The following FGF12 variants were observed in gnomAD, a reference collection of about 807,000 sequenced individuals.
The protein encoded by FGF12 is fibroblast growth factor 12.
Under a neutral mutation model 23.6 loss-of-function variants are expected in FGF12, and 14 were observed. The observed-to-expected ratio is 0.59, with a 90% CI of 0.39 to 0.93. The LOEUF is 0.93. Among genes scored for constraint, FGF12 ranks in the 40% least tolerant of loss-of-function variants. FGF12 has a pLI of 0.00. For missense variants in FGF12, 175 were observed against 217.8 expected, an observed-to-expected ratio of 0.80 and a Z score of 1.24; for synonymous variants, 62 against 77.3, an observed-to-expected ratio of 0.80 and a Z score of 1.04.
At chr3:192,431,659 A>T (rs768530020) in intron 2 of FGF12, among the ~76,000 whole-genome samples, 1 of 152,214 alleles carries the variant, frequency 6.6e-6, no homozygotes, top group African/African-American at 2.4e-5. Context: ...CAACTCAAGT[A>T]CCAAGCGTTT....
At chr3:192,349,284 G>A (rs1170178402) in intron 3 of FGF12, among the ~76,000 whole-genome samples, 1 of 152,002 alleles carries the variant, frequency 6.6e-6, no homozygotes, top group South Asian at 2.1e-4. Flanking sequence ...TCTACTTACT[G>A]TACTTAGAGC....
At chr3:192,485,970 TATACGTGCATATATA>T (rs1723622160) in intron 2 of FGF12, among the ~76,000 whole-genome samples, 1 of 152,296 alleles carries the variant, frequency 6.6e-6, no homozygotes, top group African/African-American at 2.4e-5. Flanking sequence ...TTTTATGCCA[TATACGTGCATATATA>T]ATACGTAGTA....
In FGF12 at chr3:192,539,804, A is replaced by C. The variant is rs114454420; in HGVS notation, c.14-179266T>G. Among the ~76,000 whole-genome samples the C allele has an allele frequency of 4.9e-3, 739 of 151,996 alleles. 1 individual carries two copies. Among genetic ancestry groups the C allele is most frequent in the Non-Finnish European group, 8.1e-3 (549 of 67,884 alleles). On this transcript the variant is annotated intron_variant, in intron 2 of 5. Coordinates refer to ENST00000445105, the MANE Select transcript of FGF12 (RefSeq NM_004113.6). ...CAGGCTTTTCGTTGCTGGGTGACTT[A>C]CTACTGCTTTGATCTGCTTATTTGT...
intron 2 of FGF12, among the ~76,000 whole-genome samples, chr3:192,410,141 G>A (rs577859389): frequency 6.6e-6 from 1 of 152,086 alleles, no homozygotes; most frequent in Admixed American, 6.5e-5. Flanking sequence ...ACGGAAGAGC[G>A]AAAGAGCGCC....
intron 4 of FGF12, among the ~76,000 whole-genome samples, chr3:192,200,610 A>C (rs115064205): frequency 6.6e-6 from 1 of 152,202 alleles, no homozygotes; most frequent in Admixed American, 6.5e-5. Context: ...TCAAAGCCTC[A>C]CAAGTGTAGA....
chr3:192,350,929 G>C lies in FGF12; in HGVS notation c.124+9499C>G, dbSNP rs185055910. 3.7e-3 allele frequency among the ~76,000 whole-genome samples: 567 copies of C among 152,256 alleles called. 3 individuals carry two copies. The highest frequency in any genetic ancestry group is 0.017 in the Middle Eastern group (5 of 294). On this transcript the variant is annotated intron_variant, in intron 3 of 5. Coordinates refer to ENST00000445105, the MANE Select transcript of FGF12 (RefSeq NM_004113.6). The stretch of plus-strand genomic sequence containing the variant: ...AAGCTTTAAGTAAAGAGACCAGTTA[G>C]AGAGTTATTGCAAGAGTCCATACAA...
rs147296573 is a variant in FGF12, at chr3:192,463,441, G to A, written c.14-102903C>T. ...TCTCAAAAAAAAAGTTGTTGTTGTC[G>A]TTGTTCAAAGGAATTATCAAAATAT... On this transcript the variant is annotated intron_variant, in intron 2 of 5. Coordinates refer to ENST00000445105, the MANE Select transcript of FGF12 (RefSeq NM_004113.6). 1.1e-4 allele frequency among the ~76,000 whole-genome samples: 17 copies of A among 152,020 alleles called. No homozygotes were observed. In the South Asian group the frequency reaches 2.5e-3, roughly 22 times the overall value.
intron 2 of FGF12, among the ~76,000 whole-genome samples, chr3:192,719,600 A>G (rs1718970573): frequency 6.6e-6 from 1 of 152,160 alleles, no homozygotes; most frequent in Non-Finnish European, 1.5e-5. Context: ...AATTTTAAAT[A>G]GTGCTAGAAA....
chr3:192,674,176 C>A lies in FGF12; in HGVS notation c.13+53005G>T, dbSNP rs538511628. Among the ~76,000 whole-genome samples, 31 of 138,864 alleles carry A rather than the reference C, an allele frequency of 2.2e-4. 2 individuals carry two copies. Among genetic ancestry groups the A allele is most frequent in the African/African-American group, 7.7e-4 (31 of 40,522 alleles). 91.1% of individuals were successfully genotyped at this position (138,864 alleles called of 152,430 possible). A position where few individuals can be genotyped will look rare whatever the true frequency, so the allele number is the denominator to read the frequency against. ...CATGGGGTAGTTATTAACCTTGTGA[C>A]AAATTATTATGTACCATAGACTTGG... is the stretch of plus-strand genomic sequence containing the variant. On this transcript the variant is annotated intron_variant, in intron 2 of 5. Transcript: ENST00000445105.
intron 2 of FGF12, among the ~76,000 whole-genome samples, chr3:192,544,681 C>T (rs1725453267): frequency 6.6e-6 from 1 of 152,068 alleles, no homozygotes; most frequent in Non-Finnish European, 1.5e-5. Flanking sequence ...GAAGTAGGGT[C>T]TGGATTTCAC....
chr3:192,317,330 C>T (rs537619779), intron 4 of FGF12, among the ~76,000 whole-genome samples: 20 of 151,212 alleles, frequency 1.3e-4, no homozygotes, highest in African/African-American at 4.6e-4. Context: ...CTGGACCAGT[C>T]CTGGGGCAGA....
intron 2 of FGF12, among the ~76,000 whole-genome samples, chr3:192,646,644 T>A (rs576065371): frequency 9.2e-5 from 14 of 152,234 alleles, no homozygotes; most frequent in African/African-American, 3.4e-4. Flanking sequence ...TCCAATAATA[T>A]GAAATGTTCA....
At chr3:192,697,116 A>G (rs1006742443) in intron 2 of FGF12, among the ~76,000 whole-genome samples, 12 of 151,662 alleles carry the variant, frequency 7.9e-5, no homozygotes, top group African/African-American at 2.9e-4. Context: ...TCCTGCTGAC[A>G]GAAGCAATGG....
chr3:192,182,191 A>T (rs1390124973), intron 4 of FGF12, among the ~76,000 whole-genome samples: 2 of 152,078 alleles, frequency 1.3e-5, no homozygotes, highest in Non-Finnish European at 2.9e-5. Flanking sequence ...AGCTGGTAAT[A>T]GTGTTGGCTC....
chr3:192,590,138 T>A (rs1390616348), intron 2 of FGF12, among the ~76,000 whole-genome samples: 1 of 151,878 alleles, frequency 6.6e-6, no homozygotes, highest in African/African-American at 2.4e-5. Context: ...CCACCATATT[T>A]AACCTAAAAC....
intron 2 of FGF12, among the ~76,000 whole-genome samples, chr3:192,643,873 T>C (rs1715895446): frequency 6.6e-6 from 1 of 152,214 alleles, no homozygotes; most frequent in Non-Finnish European, 1.5e-5. Flanking sequence ...ATCACCTCAG[T>C]GAGTTCTCAC....
intron 2 of FGF12, among the ~76,000 whole-genome samples, chr3:192,464,004 G>T (rs1311932616): frequency 6.6e-6 from 1 of 152,084 alleles, no homozygotes. Context: ...TAGATCAGTG[G>T]TTCTACTCTT....
intron 2 of FGF12, among the ~76,000 whole-genome samples, chr3:192,423,981 G>C (rs1016997461): frequency 6.6e-6 from 1 of 151,932 alleles, no homozygotes; most frequent in Non-Finnish European, 1.5e-5. Context: ...TAGCATTCTA[G>C]CTCTGATCTC....
At chr3:192,691,719 C>T (rs1717948692) in intron 2 of FGF12, among the ~76,000 whole-genome samples, 2 of 151,600 alleles carry the variant, frequency 1.3e-5, no homozygotes, top group South Asian at 2.1e-4. Flanking sequence ...GAAACTAGAA[C>T]TATTTAAAAA....
Sources: allele counts gnomAD v4.1 joint callset (sites outside exome capture counted in the v4.1 genomes callset), GRCh38; gene constraint gnomAD v4.1.1; transcripts MANE v1.5; gene names NCBI Gene and HGNC (gene_info 2026-07-23, HGNC 2026-07-21).